The following MICU1 variants were observed in gnomAD, a reference collection of about 807,000 sequenced individuals.
MICU1 encodes calcium uptake protein 1, mitochondrial.
MICU1 carries 45 observed loss-of-function variants against 56.8 expected under a neutral mutation model. The observed-to-expected ratio is 0.79, with a 90% CI of 0.62 to 1.02. The LOEUF (loss-of-function observed/expected upper bound fraction) is 1.02. MICU1 is among the 50% of genes least tolerant of loss of function. The pLI is 0.00. For missense variants in MICU1, 504 were observed against 587.1 expected, an observed-to-expected ratio of 0.86 and a Z score of 1.46; for synonymous variants, 186 against 195.1, an observed-to-expected ratio of 0.95 and a Z score of 0.39.
intron 9 of MICU1, among the ~76,000 whole-genome samples, chr10:72,422,597 A>C (rs1231168011): frequency 6.6e-6 from 1 of 152,064 alleles, no homozygotes; most frequent in Non-Finnish European, 1.5e-5. Flanking sequence ...CACCAAAACC[A>C]ATGGATGTTA....
intron 10 of MICU1, among the ~76,000 whole-genome samples, chr10:72,376,558 C>T (rs1480929606): frequency 2.0e-5 from 3 of 152,102 alleles, no homozygotes; most frequent in Non-Finnish European, 2.9e-5. Context: ...ATAGCTTGAG[C>T]CCAGGAGGCA....
chr10:72,526,640 A>G (rs1205580473), intron 5 of MICU1, among the ~76,000 whole-genome samples: 1 of 152,218 alleles, frequency 6.6e-6, no homozygotes. Context: ...AAAGACTATA[A>G]TGAGCAGCTC....
chr10:72,587,715 C>T (rs765249394), intron 1 of MICU1, among the ~76,000 whole-genome samples: 5 of 151,734 alleles, frequency 3.3e-5, no homozygotes, highest in African/African-American at 9.7e-5. Flanking sequence ...GCCTGGGAGG[C>T]GGAGGTTGCA....
chr10:72,623,490 C>G (rs1360889083), intron 1 of MICU1, among the ~76,000 whole-genome samples: 2 of 151,998 alleles, frequency 1.3e-5, no homozygotes, highest in African/African-American at 2.4e-5. Flanking sequence ...ACCTGCAATC[C>G]CAGAACTTTG....
At chr10:72,491,217 A>G (rs150468441) in intron 6 of MICU1, among the ~76,000 whole-genome samples, 15 of 152,364 alleles carry the variant, frequency 9.8e-5, no homozygotes, top group African/African-American at 3.6e-4. Flanking sequence ...ATAAGCCCCA[A>G]TAGATAATTT....
chr10:72,556,307 A>C (rs1840157651), intron 3 of MICU1, among the ~76,000 whole-genome samples: 1 of 152,178 alleles, frequency 6.6e-6, no homozygotes, highest in Non-Finnish European at 1.5e-5. Flanking sequence ...TTTGGCAGTA[A>C]TAGTAATAAT....
rs1287726959 is a variant in MICU1, at chr10:72,391,794, T to C, written c.1181-15922A>G. On this transcript the variant is annotated intron_variant, in intron 10 of 11. Coordinates refer to ENST00000361114, the MANE Select transcript of MICU1 (RefSeq NM_001195518.2). ...ATGTAGTGAATACATAAAAAATATA[T>C]AGATACTAGTTTATGTGTTAACTGA... 2.6e-5 allele frequency among the ~76,000 whole-genome samples: 4 copies of C among 152,294 alleles called. No individual in the cohort carries two copies. The South Asian group carries it at 6.2e-4, about 24-fold the overall frequency.
chr10:72,551,622 T>C (rs527882166), intron 3 of MICU1, among the ~76,000 whole-genome samples: 2 of 152,206 alleles, frequency 1.3e-5, no homozygotes, highest in Non-Finnish European at 2.9e-5. Flanking sequence ...AATTTTCTAA[T>C]GTTTTAAATC....
intron 1 of MICU1, among the ~76,000 whole-genome samples, chr10:72,586,763 CA>C (rs1243163007): frequency 6.6e-6 from 1 of 152,006 alleles, no homozygotes; most frequent in Non-Finnish European, 1.5e-5. Context: ...ATCATCAAAC[CA>C]AAATATGAAA....
intron 8 of MICU1, among the ~76,000 whole-genome samples, chr10:72,461,572 A>G (rs1865639565): frequency 6.6e-6 from 1 of 152,216 alleles, no homozygotes; most frequent in African/African-American, 2.4e-5. Context: ...AGCTTCTTGA[A>G]AGCAGAACAA....
chr10:72,461,885 G>A (rs1393488581), intron 8 of MICU1, among the ~76,000 whole-genome samples: 11 of 152,150 alleles, frequency 7.2e-5, no homozygotes, highest in Non-Finnish European at 1.6e-4. Flanking sequence ...GGGAGGCGGA[G>A]GTTGCAGTGA....
intron 1 of MICU1, among the ~76,000 whole-genome samples, chr10:72,616,878 A>C (rs1269199969): frequency 6.6e-6 from 1 of 151,864 alleles, no homozygotes; most frequent in East Asian, 1.9e-4. Context: ...GCCTCCCCAG[A>C]CTCCCTCAAT....
chr10:72,381,519 C>T (rs1038822242), intron 10 of MICU1, among the ~76,000 whole-genome samples: 1 of 152,144 alleles, frequency 6.6e-6, no homozygotes, highest in African/African-American at 2.4e-5. Flanking sequence ...TTTAGGAGAA[C>T]TAGCAATTTA....
At chr10:72,391,075 G>T (rs1863052313) in intron 10 of MICU1, among the ~76,000 whole-genome samples, 1 of 152,230 alleles carries the variant, frequency 6.6e-6, no homozygotes, top group East Asian at 1.9e-4. Context: ...TATGAGGTGG[G>T]TCCAGTTGGT....
intron 10 of MICU1, among the ~76,000 whole-genome samples, chr10:72,378,643 T>C (rs1322283495): frequency 1.3e-5 from 2 of 152,176 alleles, no homozygotes; most frequent in South Asian, 4.1e-4. Flanking sequence ...ATCACCACAG[T>C]GCCCCCAACA....
At chr10:72,624,756 A>G (rs1462810891) in intron 1 of MICU1, among the ~76,000 whole-genome samples, 1 of 152,216 alleles carries the variant, frequency 6.6e-6, no homozygotes, top group Non-Finnish European at 1.5e-5. Context: ...AGGTAGCCAG[A>G]GTGATGTTCT....
At chr10:72,449,370 C>T (rs995701510) in intron 8 of MICU1, among the ~76,000 whole-genome samples, 1 of 152,046 alleles carries the variant, frequency 6.6e-6, no homozygotes, top group Non-Finnish European at 1.5e-5. Context: ...TGCACTCCGG[C>T]CTGGGTGACA....
At chr10:72,521,487 T>A (rs1004035482) in intron 5 of MICU1, among the ~76,000 whole-genome samples, 1 of 152,126 alleles carries the variant, frequency 6.6e-6, no homozygotes, top group African/African-American at 2.4e-5. Flanking sequence ...ATTTGATTTA[T>A]TCTCTTTAGT....
intron 9 of MICU1, among the ~76,000 whole-genome samples, chr10:72,421,527 G>T (rs1458101869): frequency 6.6e-6 from 1 of 152,142 alleles, no homozygotes; most frequent in East Asian, 1.9e-4. Flanking sequence ...TGCGTGTCTT[G>T]ACCTCCCAAA....
Sources: allele counts gnomAD v4.1 joint callset (sites outside exome capture counted in the v4.1 genomes callset), GRCh38; gene constraint gnomAD v4.1.1; transcripts MANE v1.5; gene names NCBI Gene and HGNC (gene_info 2026-07-23, HGNC 2026-07-21).